Variants in ENOX1 observed in about 807,000 individuals in gnomAD.
The protein encoded by ENOX1 is candidate growth-related and time keeping constitutive hydroquinone (NADH) oxidase.
A neutral mutation model predicts 82.5 loss-of-function variants in ENOX1; 42 were observed. That is an observed-to-expected ratio of 0.51 (90% CI 0.40 to 0.66). The LOEUF is 0.66. ENOX1 is among the 30% of genes least tolerant of loss of function. ENOX1 has a pLI of 0.00. For synonymous variants in ENOX1, 271 were observed against 282.2 expected (o/e 0.96, Z 0.40); for missense variants, 608 against 811.6 (o/e 0.75, Z 3.05).
At chr13:43,431,443 G>A (rs575953395) in intron 3 of ENOX1, among the ~76,000 whole-genome samples, 9 of 152,170 alleles carry the variant, frequency 5.9e-5, no homozygotes, top group African/African-American at 1.2e-4. Context: ...TAGCAACTGC[G>A]TCACCTTCTG....
intron 5 of ENOX1, among the ~76,000 whole-genome samples, chr13:43,383,542 C>T (rs1391101438): frequency 6.6e-6 from 1 of 152,178 alleles, no homozygotes; most frequent in Admixed American, 6.5e-5. Flanking sequence ...ATGTATGCTT[C>T]TGTTTGCTTC....
chr13:43,325,236 C>T (rs962856406), intron 10 of ENOX1, among the ~76,000 whole-genome samples: 8 of 152,172 alleles, frequency 5.3e-5, no homozygotes, highest in African/African-American at 1.9e-4. Context: ...CTTCCTTACT[C>T]ATAATCCTGA....
chr13:43,774,384 C>A (rs11840638), intron 1 of ENOX1, among the ~76,000 whole-genome samples: 37,782 of 151,970 alleles, frequency 0.25, 6,057 homozygotes, highest in African/African-American at 0.46. Flanking sequence ...ATAAAGAAAA[C>A]GGAAAATGGA....
intron 3 of ENOX1, among the ~76,000 whole-genome samples, chr13:43,430,650 GTTTT>G (rs1166219852): frequency 6.6e-6 from 1 of 152,060 alleles, no homozygotes; most frequent in African/African-American, 2.4e-5. Flanking sequence ...TTGAAATGAG[GTTTT>G]CTTTGTAGGC....
chr13:43,581,824 C>T (rs35757280), intron 2 of ENOX1, among the ~76,000 whole-genome samples: 11,836 of 152,090 alleles, frequency 0.078, 591 homozygotes, highest in East Asian at 0.26. Context: ...GAGAAAAATA[C>T]AGAAACCAAT....
At chr13:43,621,637 G>A (rs1239689102) in intron 2 of ENOX1, among the ~76,000 whole-genome samples, 2 of 152,140 alleles carry the variant, frequency 1.3e-5, no homozygotes, top group Non-Finnish European at 2.9e-5. Flanking sequence ...AATCTGATAG[G>A]TTTTCCTTTA....
At chr13:43,562,963 G>A (rs1388868774) in intron 2 of ENOX1, among the ~76,000 whole-genome samples, 2 of 152,068 alleles carry the variant, frequency 1.3e-5, no homozygotes, top group Non-Finnish European at 2.9e-5. Context: ...CCCACTTTCA[G>A]CATTAGACAG....
At chr13:43,458,876 C>T (rs2057342459) in intron 3 of ENOX1, 2 of 152,100 alleles carry the variant, frequency 1.3e-5, no homozygotes, top group Admixed American at 1.3e-4. Flanking sequence ...TTTTACCTTC[C>T]GTTATACAAA....
At chr13:43,404,757 T>C (rs931837780) in intron 5 of ENOX1, among the ~76,000 whole-genome samples, 1 of 152,202 alleles carries the variant, frequency 6.6e-6, no homozygotes, top group African/African-American at 2.4e-5. Flanking sequence ...AATATACCAA[T>C]GTAATGTCCT....
rs1447189980 is a variant in ENOX1 at position 43,411,499 on chromosome 13, G to T, written c.208+417C>A. ...ATGCTGGAAAAGTCACCGAAACTCT[G>T]CTCTTCTGTTTCTCTATTTGTAAAA... On this transcript the variant is annotated intron_variant, in intron 5 of 16. Coordinates refer to ENST00000690772, the MANE Select transcript of ENOX1 (RefSeq NM_001347969.2). 2.6e-5 allele frequency among the ~76,000 whole-genome samples: 4 copies of T among 152,236 alleles called. No individual in the cohort carries two copies. The East Asian group carries it at 7.7e-4, about 29-fold the overall frequency.
chr13:43,445,778 C>T (rs1389841733), intron 3 of ENOX1, among the ~76,000 whole-genome samples: 1 of 152,172 alleles, frequency 6.6e-6, no homozygotes. Flanking sequence ...AGCAAAAGAG[C>T]CTCCTGGGAT....
At chr13:43,387,777 T>C (rs1486719169) in intron 5 of ENOX1, among the ~76,000 whole-genome samples, 2 of 151,904 alleles carry the variant, frequency 1.3e-5, no homozygotes, top group Admixed American at 6.6e-5. Flanking sequence ...CATATGTAAA[T>C]ACATATATAT....
intron 2 of ENOX1, among the ~76,000 whole-genome samples, chr13:43,523,235 TA>T (rs2077849105): frequency 1.3e-5 from 2 of 152,168 alleles, no homozygotes; most frequent in Non-Finnish European, 2.9e-5. Flanking sequence ...TCCTTGAACC[TA>T]ACCCAGATGA....
intron 3 of ENOX1, among the ~76,000 whole-genome samples, chr13:43,457,197 A>C (rs2057274046): frequency 6.6e-6 from 1 of 152,186 alleles, no homozygotes. Flanking sequence ...TTTACTTTGT[A>C]GTTATATGTA....
intron 1 of ENOX1, among the ~76,000 whole-genome samples, chr13:43,684,168 G>C (rs2085948262): frequency 6.6e-6 from 1 of 150,540 alleles, no homozygotes; most frequent in Admixed American, 6.6e-5. Context: ...CCTCACTTGA[G>C]CTCCTATGTC....
chr13:43,679,901 T>A (rs988423712), intron 1 of ENOX1, among the ~76,000 whole-genome samples: 3 of 152,230 alleles, frequency 2.0e-5, no homozygotes, highest in Non-Finnish European at 4.4e-5. Flanking sequence ...GAATACCATA[T>A]ACAAGAGTAG....
At chr13:43,531,104 CT>C (rs568113030) in intron 2 of ENOX1, among the ~76,000 whole-genome samples, 225 of 150,388 alleles carry the variant, frequency 1.5e-3, no homozygotes, top group African/African-American at 5.2e-3. Context: ...GTAAATAATA[CT>C]TTTTTTTTAC....
chr13:43,597,347 T>C (rs749432308), intron 2 of ENOX1, among the ~76,000 whole-genome samples: 1 of 152,180 alleles, frequency 6.6e-6, no homozygotes, highest in Non-Finnish European at 1.5e-5. Context: ...AAAGGGCCAC[T>C]GACAGGTGGG....
chr13:43,542,119 T>C (rs1435154538), intron 2 of ENOX1, among the ~76,000 whole-genome samples: 1 of 152,192 alleles, frequency 6.6e-6, no homozygotes, highest in Non-Finnish European at 1.5e-5. Flanking sequence ...CCCTGGAATT[T>C]AAAGCATAAG....
Sources: gnomAD v4.1 joint callset for allele counts (sites outside exome capture counted in the v4.1 genomes callset) on GRCh38, gnomAD v4.1.1 for gene constraint, MANE v1.5 for transcripts, NCBI Gene and HGNC (gene_info 2026-07-23, HGNC 2026-07-21) for gene names.